PALMD: variants seen among roughly 807,000 people sequenced by gnomAD.
The protein encoded by PALMD is palmdelphin.
PALMD carries 42 observed loss-of-function variants against 56.2 expected under a neutral mutation model. That is an observed-to-expected ratio of 0.75 (90% CI 0.58 to 0.97). The LOEUF is 0.97. PALMD is among the 50% of genes least tolerant of loss of function. The pLI, the probability that PALMD is intolerant of heterozygous loss-of-function variation, is 0.00. For synonymous variants in PALMD, 242 were observed against 222.9 expected (o/e 1.09, Z -0.76); for missense variants, 660 against 643.8 (o/e 1.03, Z -0.27).
intron 1 of PALMD, among the ~76,000 whole-genome samples, chr1:99,659,987 C>G (rs1471381894): frequency 1.3e-5 from 2 of 152,204 alleles, no homozygotes; most frequent in African/African-American, 4.8e-5. Context: ...ATGAAACTAG[C>G]CCAAATGGCA....
chr1:99,660,453 GC>G (rs1652822762), intron 1 of PALMD, among the ~76,000 whole-genome samples: 1 of 152,114 alleles, frequency 6.6e-6, no homozygotes, highest in Admixed American at 6.5e-5. Flanking sequence ...GTAAAATTGT[GC>G]CTGAAAAATA....
In PALMD at chr1:99,652,740, G is replaced by GAAAAGAAAAGAAAAGAAAAGA. The variant is rs77107893; in HGVS notation, c.45+6381_45+6382insAGAAAAGAAAAGAAAAGAAAA. ...GAAAAGAAAAGAAAAGAAAAGAAAA[G>GAAAAGAAAAGAAAAGAAAAGA]AAAGAAAACTTCCTCAGATTTCTAT... is the stretch of plus-strand genomic sequence containing the variant. On this transcript the variant is annotated intron_variant, in intron 1 of 7. Coordinates refer to ENST00000263174, the MANE Select transcript of PALMD (RefSeq NM_017734.5). Among the ~76,000 whole-genome samples the GAAAAGAAAAGAAAAGAAAAGA allele has an allele frequency of 4.6e-3, 353 of 77,156 alleles. 4 individuals carry two copies. Among genetic ancestry groups the GAAAAGAAAAGAAAAGAAAAGA allele is most frequent in the Non-Finnish European group, 6.8e-3 (258 of 37,682 alleles). The allele number at this position is 77,156 out of a possible 152,430, so 50.6% of individuals were successfully genotyped here.
chr1:99,689,871 A>G lies in PALMD; in HGVS notation c.1611A>G (p.Thr537=), dbSNP rs1393096932. 1.0e-5 allele frequency: 16 copies of G among 1,591,388 alleles called. No individual in the cohort carries two copies. Among genetic ancestry groups the G allele is most frequent in the African/African-American group, 1.4e-5 (1 of 73,862 alleles). Residue 537 remains threonine (T), a splice_region_variant and synonymous_variant, in exon 7 of 8, where the codon ACA becomes ACG. Transcript: ENST00000263174. ...TGDGTEDPSL[T]ALRMRMAKLG... is the part of the protein sequence containing the mutation. ...ATGGGACTGAGGATCCATCCTTAAC[A>G]GGTAATAAAAATGACAAGGCATGCC... is the stretch of plus-strand genomic sequence containing the variant.
rs1340727650 is a variant in PALMD at position 99,694,513 on chromosome 1, A to G, written c.*451A>G. ...GTCATCCTGAATTAATAATGCCTTA[A>G]TAAAAGTACATCCTCCTGCTAACTA... On this transcript the variant is annotated 3_prime_UTR_variant, in exon 8 of 8. Coordinates refer to ENST00000263174, the MANE Select transcript of PALMD (RefSeq NM_017734.5). 1 of 156,116 alleles carries G rather than the reference A, an allele frequency of 6.4e-6. No homozygotes were observed. Among genetic ancestry groups the G allele is most frequent in the African/African-American group, 2.4e-5 (1 of 41,012 alleles). 9.7% of individuals were successfully genotyped at this position (156,116 alleles called of 1,614,324 possible). A position where few individuals can be genotyped will look rare whatever the true frequency, so the allele number is the denominator to read the frequency against.
In PALMD at chr1:99,689,046, T is replaced by C; in HGVS notation, c.786T>C (p.Tyr262=). The change falls in exon 7 of 8, where the codon TAT becomes TAC. Residue 262 remains tyrosine (Y), a synonymous_variant. Coordinates refer to ENST00000263174, the MANE Select transcript of PALMD (RefSeq NM_017734.5). The part of the protein sequence containing the change: ...KSPTEYHEPV[Y]ANPFYRPTTP... ...CAACAGAGTATCATGAGCCTGTATA[T>C]GCCAATCCCTTTTACAGGCCTACAA... 6.2e-7 allele frequency: 1 copy of C among 1,613,620 alleles called. No individual in the cohort carries two copies. Among genetic ancestry groups the C allele is most frequent in the Non-Finnish European group, 8.5e-7 (1 of 1,179,732 alleles).
At chr1:99,655,760 G>A (rs115300673) in intron 1 of PALMD, among the ~76,000 whole-genome samples, 1,599 of 152,146 alleles carry the variant, frequency 0.011, 30 homozygotes, top group African/African-American at 0.037. Flanking sequence ...CTTTGATTTC[G>A]CTTTAGACAT....
chr1:99,660,150 T>C (rs1160764153), intron 1 of PALMD, among the ~76,000 whole-genome samples: 1 of 152,230 alleles, frequency 6.6e-6, no homozygotes. Context: ...TGCTCCCTGC[T>C]AATGAGAGGT....
rs1557677215 is a variant in PALMD, at chr1:99,694,158, CA to C, written c.*102del. On this transcript the variant is annotated 3_prime_UTR_variant, in exon 8 of 8. Transcript: ENST00000263174. ...TATTTTGTTTATTTTTTCTGAAGTC[CA>C]AAAAATTATCATTACAGTGTACCAT... 2 of 816,630 alleles carry C rather than the reference CA, an allele frequency of 2.4e-6. No homozygotes were observed. Among genetic ancestry groups the C allele is most frequent in the Non-Finnish European group, 4.0e-6 (2 of 502,776 alleles). 50.6% of individuals were successfully genotyped at this position (816,630 alleles called of 1,614,324 possible). A position where few individuals can be genotyped will look rare whatever the true frequency, so the allele number is the denominator to read the frequency against.
At chr1:99,651,092 A>G (rs930710298) in intron 1 of PALMD, among the ~76,000 whole-genome samples, 1 of 152,230 alleles carries the variant, frequency 6.6e-6, no homozygotes, top group Admixed American at 6.5e-5. Flanking sequence ...GTACATGAAG[A>G]TGTAGCAGTC....
chr1:99,694,046 GA>G lies in PALMD; in HGVS notation c.1646del (p.Lys549ArgfsTer2). The G allele has an allele frequency of 6.9e-6, 11 of 1,598,880 alleles. No individual in the cohort carries two copies. Among genetic ancestry groups the G allele is most frequent in the African/African-American group, 1.3e-5 (1 of 74,276 alleles). On this transcript the variant is annotated frameshift_variant, in exon 8 of 8. Coordinates refer to ENST00000263174, the MANE Select transcript of PALMD (RefSeq NM_017734.5). LOFTEE classifies it high-confidence loss of function. The stretch of plus-strand genomic sequence containing the variant: ...TTAAGGATGAGAATGGCAAAGCTGG[GA>G]AAAAAGGTGATCTAAGAGTTGTACC... ...TALRMRMAKL[G>X]KKVI is the part of the protein sequence containing the mutation.
intron 3 of PALMD, among the ~76,000 whole-genome samples, chr1:99,683,024 G>GAA (rs1653384346): frequency 7.2e-5 from 1 of 13,964 alleles, no homozygotes; most frequent in African/African-American, 8.2e-4. Flanking sequence ...AAGAAGGAAA[G>GAA]AAAGAAAGAA....
intron 1 of PALMD, among the ~76,000 whole-genome samples, chr1:99,654,596 G>A (rs1321816563): frequency 6.6e-6 from 1 of 151,938 alleles, no homozygotes; most frequent in African/African-American, 2.4e-5. Context: ...CTCTAAGGAG[G>A]TATTCTCATC....
At chr1:99,679,922 G>A (rs2100869545) in intron 3 of PALMD, among the ~76,000 whole-genome samples, 1 of 152,288 alleles carries the variant, frequency 6.6e-6, no homozygotes, top group African/African-American at 2.4e-5. Flanking sequence ...GGACGAAATA[G>A]GCCAGTGCCT....
intron 3 of PALMD, among the ~76,000 whole-genome samples, chr1:99,676,880 A>G (rs12058890): frequency 0.037 from 5,583 of 152,272 alleles, 282 homozygotes; most frequent in African/African-American, 0.12. Flanking sequence ...CAAATTATCT[A>G]CAAAGATGAA....
At chr1:99,676,976 A>T (rs1170526763) in intron 3 of PALMD, among the ~76,000 whole-genome samples, 1 of 152,188 alleles carries the variant, frequency 6.6e-6, no homozygotes, top group African/African-American at 2.4e-5. Context: ...ACTAAAGTCA[A>T]CTGTATGTAC....
chr1:99,667,636 C>G lies in PALMD; in HGVS notation c.127-6C>G, dbSNP rs779271775. 15 of 1,610,594 alleles carry G rather than the reference C, an allele frequency of 9.3e-6. No individual in the cohort carries two copies. The South Asian group carries it at 1.5e-4, about 17-fold the overall frequency. On this transcript the variant is annotated splice_polypyrimidine_tract_variant and splice_region_variant and intron_variant, in intron 2 of 7. Transcript: ENST00000263174. ...AAGAACATATCTTTATGTTTCCTGA[C>G]ATCAGAAAAAGGCCTTGAGGGAGAA... is the stretch of plus-strand genomic sequence containing the variant.
intron 1 of PALMD, among the ~76,000 whole-genome samples, chr1:99,648,020 A>G (rs1652482887): frequency 1.3e-5 from 2 of 152,240 alleles, no homozygotes; most frequent in Non-Finnish European, 2.9e-5. Context: ...AGCCATCAAG[A>G]GAGTAAGTAG....
chr1:99,680,809 T>G (rs1404371465), intron 3 of PALMD, among the ~76,000 whole-genome samples: 2 of 152,080 alleles, frequency 1.3e-5, no homozygotes, highest in African/African-American at 2.4e-5. Flanking sequence ...TGTATATCTA[T>G]GTACATGCAT....
chr1:99,689,676 G>A lies in PALMD; in HGVS notation c.1416G>A (p.Val472=). The change falls in exon 7 of 8, where the codon GTG becomes GTA. Residue 472 remains valine, a synonymous_variant. Transcript: ENST00000263174. ...ACCCCATAGCTCCCCATAGTCAGGTGTACCAGCCAGCCAAACCAACACCAC... is the reference window on the plus strand; with the variant it reads ...ACCCCATAGCTCCCCATAGTCAGGTATACCAGCCAGCCAAACCAACACCAC... ...SYHPIAPHSQ[V]YQPAKPTPLP... 6.2e-7 allele frequency: 1 copy of A among 1,613,724 alleles called. No individual in the cohort carries two copies. The highest frequency in any genetic ancestry group is 2.2e-5 in the East Asian group (1 of 44,842).
Sources: allele counts gnomAD v4.1 joint callset (sites outside exome capture counted in the v4.1 genomes callset), GRCh38; gene constraint gnomAD v4.1.1; transcripts MANE v1.5; gene names NCBI Gene and HGNC (gene_info 2026-07-23, HGNC 2026-07-21).